Variants in ZNF585B observed in about 807,000 individuals in gnomAD.
ZNF585B encodes zinc finger protein 41-like protein.
Under a neutral mutation model 14.0 loss-of-function variants are expected in ZNF585B, and 7 were observed. The observed-to-expected ratio is 0.50, with a 90% CI of 0.28 to 0.94. The LOEUF is 0.94. Among genes scored for constraint, ZNF585B ranks in the 40% least tolerant of loss-of-function variants. ZNF585B has a pLI of 0.09. For synonymous variants in ZNF585B, 290 were observed against 317.3 expected (o/e 0.91, Z 0.91); for missense variants, 750 against 924.4 (o/e 0.81, Z 2.45).
At chr19:37,204,277 T>G (rs1033217462) in intron 2 of ZNF585B, among the ~76,000 whole-genome samples, 2 of 152,222 alleles carry the variant, frequency 1.3e-5, no homozygotes, top group East Asian at 3.8e-4. Context: ...TCTCTTATTT[T>G]TAAATGAGGA....
intron 2 of ZNF585B, among the ~76,000 whole-genome samples, chr19:37,202,318 TAC>T (rs1972539175): frequency 6.6e-6 from 1 of 152,316 alleles, no homozygotes; most frequent in South Asian, 2.1e-4. Flanking sequence ...TACTCTTGAA[TAC>T]AGTTAGTGAA....
intron 1 of ZNF585B, among the ~76,000 whole-genome samples, chr19:37,209,717 G>C (rs1032543999): frequency 6.9e-6 from 1 of 145,180 alleles, no homozygotes; most frequent in African/African-American, 2.5e-5. Flanking sequence ...AACATAAAGT[G>C]CACTTCTTTT....
intron 2 of ZNF585B, among the ~76,000 whole-genome samples, chr19:37,198,744 G>GA (rs61435592): frequency 2.9e-3 from 301 of 104,028 alleles, no homozygotes; most frequent in Non-Finnish European, 4.2e-3. Flanking sequence ...CTCAGAAAAA[G>GA]AAAAAAAAAA....
chr19:37,190,226 C>A, intron 2 of ZNF585B, 76 bp from the exon 3 acceptor site: 1 of 1,570,518 alleles, frequency 6.4e-7, no homozygotes, highest in Non-Finnish European at 8.6e-7. Context: ...GATTACGGAA[C>A]ATGGGTTTTG....
intron 2 of ZNF585B, among the ~76,000 whole-genome samples, chr19:37,192,713 G>T (rs1449813930): frequency 6.6e-6 from 1 of 151,972 alleles, no homozygotes; most frequent in African/African-American, 2.4e-5. Context: ...CCAAGGCAGA[G>T]GTAGGAGAAT....
intron 1 of ZNF585B, 89 bp from the exon 2 acceptor site, chr19:37,207,343 C>T (rs1489260044): frequency 3.9e-6 from 4 of 1,017,946 alleles, no homozygotes; most frequent in Non-Finnish European, 5.3e-6. Flanking sequence ...GCGCTAGAAA[C>T]CAGAGCAGTG....
At chr19:37,192,454 C>A (rs1248892791) in intron 2 of ZNF585B, among the ~76,000 whole-genome samples, 1 of 151,752 alleles carries the variant, frequency 6.6e-6, no homozygotes, top group Non-Finnish European at 1.5e-5. Flanking sequence ...CTCCAGTGAG[C>A]CACGATTGCA....
chr19:37,200,891 G>A (rs900974891), intron 2 of ZNF585B, among the ~76,000 whole-genome samples: 1 of 151,864 alleles, frequency 6.6e-6, no homozygotes, highest in African/African-American at 2.4e-5. Context: ...AGGAGTTTGA[G>A]ACCATCCTGC....
chr19:37,190,115 G>A lies in ZNF585B; in HGVS notation c.108C>T (p.Phe36=), dbSNP rs1972383269. The change falls in exon 3 of 5, where the codon TTC becomes TTT. Residue 36 remains phenylalanine (F), a synonymous_variant. Transcript: ENST00000532828. ...SVSFRDVAID[F]SREEWRHLDL... ...CCAGGTGCCGCCATTCCTCTCTGCT[G>A]AAATCGATAGCCACATCCCTGAAGG... 6.2e-7 allele frequency: 1 copy of A among 1,614,214 alleles called. No homozygotes were observed. The highest frequency in any genetic ancestry group is 2.2e-5 in the East Asian group (1 of 44,882).
chr19:37,203,479 C>G (rs371547367), intron 2 of ZNF585B, among the ~76,000 whole-genome samples: 1 of 114,882 alleles, frequency 8.7e-6, no homozygotes, highest in Non-Finnish European at 1.7e-5. Flanking sequence ...GATCTTGTCA[C>G]AAAAAAAAAA....
At chr19:37,193,074 G>A (rs1034035542) in intron 2 of ZNF585B, among the ~76,000 whole-genome samples, 2 of 152,068 alleles carry the variant, frequency 1.3e-5, no homozygotes, top group East Asian at 3.9e-4. Flanking sequence ...GGCAGAGGTT[G>A]CAGTGAGCCG....
chr19:37,192,940 C>A (rs1042062637), intron 2 of ZNF585B, among the ~76,000 whole-genome samples: 1 of 151,940 alleles, frequency 6.6e-6, no homozygotes, highest in Admixed American at 6.6e-5. Context: ...TTGAGACCAG[C>A]CTGGCCAACA....
rs2145428520 is a variant in ZNF585B, at chr19:37,184,459, A to AAAGAAAGAAAGAAG, written c.*767_*768insCTTCTTTCTTTCTT. 2.0e-5 allele frequency: 2 copies of AAAGAAAGAAAGAAG among 99,138 alleles called. No homozygotes were observed. Among genetic ancestry groups the AAAGAAAGAAAGAAG allele is most frequent in the East Asian group, 3.3e-4 (1 of 3,074 alleles). The allele number at this position is 99,138 out of a possible 1,614,324, so 6.1% of individuals were successfully genotyped here. Reference sequence around the variant, plus strand: ...AAGAAAGAAGGAAAGAAAGAAAGAAAGAAAGAAAGAAAGAAAGAAAGAAAG... The same window carrying AAAGAAAGAAAGAAG: ...AAGAAAGAAGGAAAGAAAGAAAGAAAAAGAAAGAAAGAAGGAAAGAAAGAAAGAAAGAAAGAAAG... On this transcript the variant is annotated 3_prime_UTR_variant, in exon 5 of 5. Coordinates refer to ENST00000532828, the MANE Select transcript of ZNF585B (RefSeq NM_152279.4).
chr19:37,186,594 C>T lies in ZNF585B; in HGVS notation c.943G>A (p.Val315Ile), dbSNP rs1461914288. 6.2e-7 allele frequency: 1 copy of T among 1,614,090 alleles called. No individual in the cohort carries two copies. Among genetic ancestry groups the T allele is most frequent in the Non-Finnish European group, 8.5e-7 (1 of 1,180,042 alleles). The change falls in exon 5 of 5, where the codon GTA becomes ATA. Residue 315 changes from valine (V) to isoleucine (I), a missense_variant. By Grantham distance (29) the Val-to-Ile change is conservative. This residue lies in a region of ZNF585B where 517 missense variants were observed against 570.3 expected (regional missense o/e 0.91). Coordinates refer to ENST00000532828, the MANE Select transcript of ZNF585B (RefSeq NM_152279.4). Reference sequence around the variant, plus strand: ...ACTCTTGTGTGAACACGTTGATGTACCTGAAGTTGTGACTTGGAAATGAAG... The same window carrying T: ...ACTCTTGTGTGAACACGTTGATGTATCTGAAGTTGTGACTTGGAAATGAAG... ...KSFISKSQLQVHQRVHTRVKP... is the reference protein window; with the variant it reads ...KSFISKSQLQIHQRVHTRVKP...
Position 37,186,887 on chromosome 19 carries a change from C to A in ZNF585B, c.650G>T (p.Ser217Ile), listed in dbSNP as rs752155452. 13 of 1,613,848 alleles carry A rather than the reference C, an allele frequency of 8.1e-6. No homozygotes were observed. Among genetic ancestry groups the A allele is most frequent in the African/African-American group, 1.3e-5 (1 of 74,894 alleles). ...ATAAGGGAAACCTTTCCCACATTCA[C>A]TACATTCATATAGTTTTTCTCCGGT... is the stretch of plus-strand genomic sequence containing the variant. ...IHTGEKLYEC[S>I]ECGKGFPYNS... Residue 217 changes from serine to isoleucine, a missense_variant, in exon 5 of 5, where the codon AGT (serine) becomes ATT (isoleucine). Ser to Ile is a moderately radical substitution (Grantham distance 142). Around this residue, in one of 2 missense-constraint regions of ZNF585B, gnomAD observed 517 missense variants for 570.3 expected, o/e 0.91. Coordinates refer to ENST00000532828, the MANE Select transcript of ZNF585B (RefSeq NM_152279.4).
At chr19:37,202,773 G>A (rs1972544353) in intron 2 of ZNF585B, among the ~76,000 whole-genome samples, 1 of 151,814 alleles carries the variant, frequency 6.6e-6, no homozygotes, top group South Asian at 2.1e-4. Context: ...CTCCTGAGTA[G>A]CTGGGATTAC....
chr19:37,186,332 C>A lies in ZNF585B; in HGVS notation c.1205G>T (p.Arg402Ile). 6.2e-7 allele frequency: 1 copy of A among 1,614,028 alleles called. No homozygotes were observed. Among genetic ancestry groups the A allele is most frequent in the Non-Finnish European group, 8.5e-7 (1 of 1,179,972 alleles). The change falls in exon 5 of 5, where the codon AGA becomes ATA. Residue 402 changes from arginine (R) to isoleucine (I), a missense_variant. Physicochemically the swap from Arg to Ile is moderately conservative, Grantham distance 97. Transcript: ENST00000532828. ...ATACGATTTTTCTCCTGTATGAATTCTCTGATGCACTGTGAGTGCTGACTT... is the reference window on the plus strand; with the variant it reads ...ATACGATTTTTCTCCTGTATGAATTATCTGATGCACTGTGAGTGCTGACTT... The part of the protein sequence containing the change: ...TQKSALTVHQ[R>I]IHTGEKSYIC...
At chr19:37,200,819 G>A (rs541362531) in intron 2 of ZNF585B, among the ~76,000 whole-genome samples, 3 of 151,972 alleles carry the variant, frequency 2.0e-5, no homozygotes. Flanking sequence ...GGCCAGGCAC[G>A]GTGGCTCACA....
intron 2 of ZNF585B, among the ~76,000 whole-genome samples, chr19:37,205,047 C>T (rs1350264713): frequency 2.6e-5 from 4 of 152,090 alleles, no homozygotes; most frequent in African/African-American, 9.7e-5. Context: ...CGCACCAGGC[C>T]CAAACTAATT....
Sources: allele counts gnomAD v4.1 joint callset (sites outside exome capture counted in the v4.1 genomes callset), GRCh38; gene constraint gnomAD v4.1.1; regional missense constraint gnomAD v4.1.1; transcripts MANE v1.5; gene names NCBI Gene and HGNC (gene_info 2026-07-23, HGNC 2026-07-21).